The following WIPF3 variants were observed in gnomAD, a reference collection of about 807,000 sequenced individuals.
The protein encoded by WIPF3 is WAS/WASL interacting protein family member 3.
Under a neutral mutation model 38.9 loss-of-function variants are expected in WIPF3, and 33 were observed. The observed-to-expected ratio is 0.85, with a 90% CI of 0.64 to 1.14. The LOEUF is 1.14. WIPF3 is among the 50% of genes most tolerant of loss of function. The pLI, the probability that WIPF3 is intolerant of heterozygous loss-of-function variation, is 0.00. For missense variants in WIPF3, 711 were observed against 652.5 expected (o/e 1.09, Z -0.98); for synonymous variants, 324 against 269.3 (o/e 1.20, Z -1.99).
intron 1 of WIPF3, among the ~76,000 whole-genome samples, chr7:29,833,840 G>T (rs187563593): frequency 9.6e-4 from 146 of 152,224 alleles, no homozygotes; most frequent in Non-Finnish European, 1.9e-3. Flanking sequence ...AAACTATGGG[G>T]TTTTTCTTTA....
At chr7:29,913,531 G>A (rs963665737) in intron 8 of WIPF3, among the ~76,000 whole-genome samples, 1 of 152,110 alleles carries the variant, frequency 6.6e-6, no homozygotes, top group Non-Finnish European at 1.5e-5. Flanking sequence ...CCCGTGACCA[G>A]GAAAATATAG....
intron 7 of WIPF3, among the ~76,000 whole-genome samples, chr7:29,896,003 C>T (rs1786135925): frequency 6.6e-6 from 1 of 152,092 alleles, no homozygotes. Context: ...ATGGAATGTC[C>T]AGAAGAGGCA....
intron 6 of WIPF3, among the ~76,000 whole-genome samples, chr7:29,888,510 C>CGTGTGTGTGTGTGTGTGTGT (rs1295673715): frequency 1.4e-5 from 2 of 147,910 alleles, no homozygotes; most frequent in Non-Finnish European, 3.0e-5. Flanking sequence ...CGTGTGTGTG[C>CGTGTGTGTGTGTGTGTGTGT]GTGTGTGTGT....
intron 8 of WIPF3, among the ~76,000 whole-genome samples, chr7:29,911,047 T>C (rs910158141): frequency 1.3e-5 from 2 of 151,468 alleles, no homozygotes; most frequent in Non-Finnish European, 2.9e-5. Flanking sequence ...AAAAAACTGT[T>C]AGAAATAATT....
chr7:29,835,065 T>C (rs370156877), intron 2 of WIPF3, among the ~76,000 whole-genome samples: 1 of 151,904 alleles, frequency 6.6e-6, no homozygotes, highest in South Asian at 2.1e-4. Context: ...ATTTCTCTTC[T>C]CATTCCTGCT....
intron 1 of WIPF3, among the ~76,000 whole-genome samples, chr7:29,822,528 A>G (rs1235414704): frequency 1.3e-5 from 2 of 152,116 alleles, no homozygotes; most frequent in Admixed American, 6.5e-5. Flanking sequence ...AGGGTCTAAG[A>G]TCAGTTCTGC....
chr7:29,854,756 C>T (rs1243926545), intron 2 of WIPF3, among the ~76,000 whole-genome samples: 1 of 152,186 alleles, frequency 6.6e-6, no homozygotes, highest in Non-Finnish European at 1.5e-5. Flanking sequence ...TGGCCAAATT[C>T]CAATGTCGAA....
At chr7:29,889,687 C>T (rs1785965712) in intron 7 of WIPF3, among the ~76,000 whole-genome samples, 1 of 152,172 alleles carries the variant, frequency 6.6e-6, no homozygotes, top group South Asian at 2.1e-4. Context: ...CTCCCTGGGG[C>T]TTTTGATAAG....
rs142385660 is a variant in WIPF3, at chr7:29,877,190, A to C, written c.223+1228A>C. ...TCATAACAGAACAAGAAATGATGTCAGTTTACAAAATCAGAGAGAGGCTTC... is the reference window on the plus strand; with the variant it reads ...TCATAACAGAACAAGAAATGATGTCCGTTTACAAAATCAGAGAGAGGCTTC... On this transcript the variant is annotated intron_variant, in intron 3 of 8. Transcript: ENST00000242140. 8.7e-4 allele frequency among the ~76,000 whole-genome samples: 133 copies of C among 152,378 alleles called. 2 individuals are homozygous for C. Among genetic ancestry groups the C allele is most frequent in the African/African-American group, 3.0e-3 (124 of 41,596 alleles).
At chr7:29,897,155 T>A (rs1312350041) in intron 7 of WIPF3, among the ~76,000 whole-genome samples, 1 of 152,276 alleles carries the variant, frequency 6.6e-6, no homozygotes, top group Non-Finnish European at 1.5e-5. Flanking sequence ...TTGTAGCATA[T>A]GTCAAAATTT....
At chr7:29,849,879 T>A (rs1221507833) in intron 2 of WIPF3, among the ~76,000 whole-genome samples, 1 of 151,824 alleles carries the variant, frequency 6.6e-6, no homozygotes, top group Non-Finnish European at 1.5e-5. Flanking sequence ...GATGATGGAG[T>A]TTTCTAGAAA....
intron 1 of WIPF3, among the ~76,000 whole-genome samples, chr7:29,811,790 A>G (rs1478888184): frequency 2.6e-5 from 4 of 152,338 alleles, no homozygotes; most frequent in African/African-American, 9.6e-5. Flanking sequence ...AATCCCACAC[A>G]GCTCAGTAAA....
rs1191481659 is a variant in WIPF3 at position 29,883,943 on chromosome 7, C to G, written c.449C>G (p.Pro150Arg). The change falls in exon 5 of 9, where the codon CCC becomes CGC. Residue 150 changes from proline to arginine, a missense_variant. Pro to Arg is a moderately radical substitution (Grantham distance 103, BLOSUM62 -2). Coordinates refer to ENST00000242140, the MANE Select transcript of WIPF3 (RefSeq NM_001080529.3). ...GGCCCGCTTATCCCGCCTGCCTCTC[C>G]CAGGCTAGGCAATACCTCCGAGGCG... is the stretch of plus-strand genomic sequence containing the variant. Reference protein sequence around the residue: ...ISGPLIPPASPRLGNTSEAHG... With the variant: ...ISGPLIPPASRRLGNTSEAHG... 2 of 1,579,580 alleles carry G rather than the reference C, an allele frequency of 1.3e-6. No individual in the cohort carries two copies. Among genetic ancestry groups the G allele is most frequent in the Non-Finnish European group, 1.7e-6 (2 of 1,162,784 alleles).
chr7:29,859,135 T>G lies in WIPF3; in HGVS notation c.91-16695T>G, dbSNP rs530538921. On this transcript the variant is annotated intron_variant, in intron 2 of 8. Transcript: ENST00000242140. ...TCTTCATGAACTATGGAGGTAGGGC[T>G]GGAACTTGAGGGCAGGAACAAGGTA... 2.6e-5 allele frequency among the ~76,000 whole-genome samples: 4 copies of G among 152,286 alleles called. No individual in the cohort carries two copies. In the South Asian group the frequency reaches 8.3e-4, roughly 32 times the overall value.
At chr7:29,887,812 C>T (rs973821300) in intron 5 of WIPF3, among the ~76,000 whole-genome samples, 1 of 152,212 alleles carries the variant, frequency 6.6e-6, no homozygotes, top group Non-Finnish European at 1.5e-5. Context: ...TGAATCTTCT[C>T]AGTAACCCTG....
intron 3 of WIPF3, among the ~76,000 whole-genome samples, chr7:29,876,285 C>G: frequency 6.6e-6 from 1 of 152,154 alleles, no homozygotes; most frequent in African/African-American, 2.4e-5. Context: ...TCAATCAGTG[C>G]CAATTATTAT....
chr7:29,808,335 T>C (rs1784318603), intron 1 of WIPF3, among the ~76,000 whole-genome samples: 1 of 152,184 alleles, frequency 6.6e-6, no homozygotes, highest in East Asian at 1.9e-4. Flanking sequence ...AAATGAAACA[T>C]ACACTGCAGA....
At chr7:29,848,789 C>G (rs1039726877) in intron 2 of WIPF3, among the ~76,000 whole-genome samples, 1 of 151,874 alleles carries the variant, frequency 6.6e-6, no homozygotes, top group Non-Finnish European at 1.5e-5. Flanking sequence ...GGAGGGGGAA[C>G]GTGGGTTGTG....
chr7:29,821,562 T>A (rs1193248566), intron 1 of WIPF3, among the ~76,000 whole-genome samples: 2 of 152,242 alleles, frequency 1.3e-5, no homozygotes, highest in Non-Finnish European at 2.9e-5. Flanking sequence ...GTATGGGGAT[T>A]ACAGGCATAA....
Sources: allele counts gnomAD v4.1 joint callset (sites outside exome capture counted in the v4.1 genomes callset), GRCh38; gene constraint gnomAD v4.1.1; transcripts MANE v1.5; gene names NCBI Gene and HGNC (gene_info 2026-07-23, HGNC 2026-07-21).